Variants in IGSF9 observed in about 807,000 individuals in gnomAD.
The protein encoded by IGSF9 is immunoglobulin superfamily member 9.
In IGSF9, 87 loss-of-function variants were observed where a neutral mutation model predicts 121.7. The ratio of observed to expected loss-of-function variants is 0.71; its 90% CI spans 0.60 to 0.85. IGSF9 has a LOEUF of 0.85. IGSF9 is among the 40% of genes least tolerant of loss of function. IGSF9 has a pLI of 0.00. For missense variants in IGSF9, 1,462 were observed against 1,565.3 expected (o/e 0.93, Z 1.11); for synonymous variants, 640 against 648.4 (o/e 0.99, Z 0.20).
rs889265929 is a variant in IGSF9, at chr1:159,928,444, G to A, written c.2944C>T (p.Pro982Ser). ...GCCCCAGCCCCTACCACAGCCCCAG[G>A]AAGTGATTCCCTGGGGGATACAGGA... ...TPPVSPRESL[P>S]GAVVGAGATA... Residue 982 changes from proline to serine, a missense_variant, in exon 19 of 21, where the codon CCT becomes TCT. By Grantham distance (74) the Pro-to-Ser change is moderately conservative. Coordinates refer to ENST00000368094, the MANE Select transcript of IGSF9 (RefSeq NM_001135050.2). The A allele has an allele frequency of 3.3e-5, 53 of 1,600,074 alleles. No individual in the cohort carries two copies. The highest frequency in any genetic ancestry group is 1.7e-4 in the Middle Eastern group (1 of 6,054).
chr1:159,940,618 A>C (rs1377622909), intron 3 of IGSF9, among the ~76,000 whole-genome samples: 1 of 152,270 alleles, frequency 6.6e-6, no homozygotes, highest in Non-Finnish European at 1.5e-5. Flanking sequence ...AGTTCAAAAA[A>C]TGGTGCTAAC....
chr1:159,932,808 G>A lies in IGSF9; in HGVS notation c.1105-156C>T. 2.9e-6 allele frequency: 2 copies of A among 687,190 alleles called. No homozygotes were observed. The highest frequency in any genetic ancestry group is 1.8e-5 in the African/African-American group (1 of 54,608). The allele number at this position is 687,190 out of a possible 1,614,324, so 42.6% of individuals were successfully genotyped here. On this transcript the variant is annotated intron_variant, in intron 9 of 20. Transcript: ENST00000368094. The surrounding 1 kb of genome is among the most constrained non-coding windows in gnomAD (Gnocchi z 4.1). ...GCCTGACCCCTCTCTGATTTCCAGT[G>A]CTTCCTTTCCTTCCTGCAGAGGGAC...
intron 3 of IGSF9, among the ~76,000 whole-genome samples, chr1:159,938,886 T>C (rs1370963720): frequency 1.3e-5 from 2 of 152,198 alleles, no homozygotes; most frequent in Non-Finnish European, 2.9e-5. Context: ...AAATGAGCTC[T>C]AGATTTGAAA....
In IGSF9 at chr1:159,931,785, C is replaced by T. The variant is rs544261614; in HGVS notation, c.1362+27G>A. The T allele has an allele frequency of 6.0e-6, 9 of 1,504,926 alleles. No individual in the cohort carries two copies. Among genetic ancestry groups the T allele is most frequent in the Admixed American group, 5.9e-5 (3 of 50,678 alleles). The allele number at this position is 1,504,926 out of a possible 1,614,324, so 93.2% of individuals were successfully genotyped here. A position where few individuals can be genotyped will look rare whatever the true frequency, so the allele number is the denominator to read the frequency against. ...GGCAGGGGTGTAGTGGGCGTGGGTACAGGCAGAGCGGGCTCAGGAGCCTTA... is the reference window on the plus strand; with the variant it reads ...GGCAGGGGTGTAGTGGGCGTGGGTATAGGCAGAGCGGGCTCAGGAGCCTTA... On this transcript the variant is annotated intron_variant, in intron 11 of 20. Coordinates refer to ENST00000368094, the MANE Select transcript of IGSF9 (RefSeq NM_001135050.2). This position sits in a 1 kb window ranked among gnomAD's most constrained non-coding sequence, Gnocchi z 4.8.
intron 2 of IGSF9, 117 bp downstream of exon 2, chr1:159,943,280 C>T: frequency 1.5e-6 from 2 of 1,339,842 alleles, no homozygotes; most frequent in Non-Finnish European, 2.0e-6. Flanking sequence ...TCAGCTTCTC[C>T]AGAACCAGCC....
Position 159,929,769 on chromosome 1 carries a change from G to C in IGSF9, c.2195C>G (p.Pro732Arg). ...PSRTQLPGLL[P>R]QPVLAGVVGG... ...CACCACGCCGGCCAGCACGGGCTGA[G>C]GCAGGAGGCCCGGCAGCTGCGTGCG... Residue 732 changes from proline (P) to arginine (R), a missense_variant, in exon 17 of 21, where the codon CCT becomes CGT. By Grantham distance (103) the Pro-to-Arg change is moderately radical. Transcript: ENST00000368094. 2 of 1,606,802 alleles carry C rather than the reference G, an allele frequency of 1.2e-6. No individual in the cohort carries two copies. Among genetic ancestry groups the C allele is most frequent in the Middle Eastern group, 3.3e-4 (2 of 6,054 alleles).
intron 5 of IGSF9, 69 bp from the exon 6 acceptor site, chr1:159,936,585 G>A (rs1428690554): frequency 2.6e-6 from 4 of 1,550,148 alleles, no homozygotes; most frequent in South Asian, 1.2e-5. Flanking sequence ...TCCGAGTTTG[G>A]CCAGCAGAGG....
Position 159,932,062 on chromosome 1 carries a change from C to G in IGSF9, c.1246-134G>C. ...TCCCCCTAGCTAAACACTCACCAAG[C>G]CTGTCTCTACCTCATTCTCTCTCCA... On this transcript the variant is annotated intron_variant, in intron 10 of 20. Coordinates refer to ENST00000368094, the MANE Select transcript of IGSF9 (RefSeq NM_001135050.2). The surrounding 1 kb of genome is among the most constrained non-coding windows in gnomAD (Gnocchi z 4.1). The G allele has an allele frequency of 1.6e-6, 1 of 622,560 alleles. No individual in the cohort carries two copies. Among genetic ancestry groups the G allele is most frequent in the African/African-American group, 1.8e-5 (1 of 54,460 alleles). The allele number at this position is 622,560 out of a possible 1,614,324, so 38.6% of individuals were successfully genotyped here. A position where few individuals can be genotyped will look rare whatever the true frequency, so the allele number is the denominator to read the frequency against.
At chr1:159,934,973 C>T in intron 6 of IGSF9, 151 bp from the exon 7 acceptor site, 1 of 809,856 alleles carries the variant, frequency 1.2e-6, no homozygotes, top group Non-Finnish European at 1.9e-6. Context: ...AAGCTTCCCC[C>T]TGTATGTAAC....
Position 159,943,501 on chromosome 1 carries a change from A to T in IGSF9, c.-47T>A. The stretch of plus-strand genomic sequence containing the variant: ...CAGCCCCTCCTATCCACAGGAGCCC[A>T]GATGGAGGGGCCAAGGGATGTCCTT... On this transcript the variant is annotated 5_prime_UTR_variant, in exon 2 of 21. Transcript: ENST00000368094. The T allele has an allele frequency of 6.7e-7, 1 of 1,491,444 alleles. No homozygotes were observed. The highest frequency in any genetic ancestry group is 9.0e-7 in the Non-Finnish European group (1 of 1,116,970). The allele number at this position is 1,491,444 out of a possible 1,614,324, so 92.4% of individuals were successfully genotyped here. A position where few individuals can be genotyped will look rare whatever the true frequency, so the allele number is the denominator to read the frequency against.
In IGSF9 at chr1:159,931,423, C is replaced by T. The variant is rs1391845413; in HGVS notation, c.1513+30G>A. On this transcript the variant is annotated intron_variant, in intron 12 of 20. Coordinates refer to ENST00000368094, the MANE Select transcript of IGSF9 (RefSeq NM_001135050.2). This position sits in a 1 kb window ranked among gnomAD's most constrained non-coding sequence, Gnocchi z 4.8. ...AAAACGATTCCCAAGTAGTTTCTCC[C>T]AGCCCCTGGCCCTCTCTCCAGCCAC... 1.2e-6 allele frequency: 2 copies of T among 1,605,906 alleles called. No homozygotes were observed. Among genetic ancestry groups the T allele is most frequent in the Non-Finnish European group, 1.7e-6 (2 of 1,173,900 alleles).
chr1:159,934,404 A>G, intron 8 of IGSF9, 21 bp downstream of exon 8: 1 of 1,571,106 alleles, frequency 6.4e-7, no homozygotes, highest in South Asian at 1.2e-5. Context: ...AGGCTGAGGG[A>G]GAAGCTGGGG....
chr1:159,940,828 T>C (rs1651349842), intron 3 of IGSF9, among the ~76,000 whole-genome samples: 1 of 152,214 alleles, frequency 6.6e-6, no homozygotes. Context: ...TTCTGCTGTG[T>C]GGGGCATCTT....
rs186811529 is a variant in IGSF9, at chr1:159,932,194, G to A, written c.1246-266C>T. On this transcript the variant is annotated intron_variant, in intron 10 of 20. Coordinates refer to ENST00000368094, the MANE Select transcript of IGSF9 (RefSeq NM_001135050.2). This position sits in a 1 kb window ranked among gnomAD's most constrained non-coding sequence, Gnocchi z 4.1. ...AGGCTTAGGCAGGACTCTCAGAGATGTACAAACCTCTGCAGAACATTCTTC... is the reference window on the plus strand; with the variant it reads ...AGGCTTAGGCAGGACTCTCAGAGATATACAAACCTCTGCAGAACATTCTTC... 81 of 573,304 alleles carry A rather than the reference G, an allele frequency of 1.4e-4. No individual in the cohort carries two copies. The highest frequency in any genetic ancestry group is 1.4e-3 in the African/African-American group (74 of 53,298). The allele number at this position is 573,304 out of a possible 1,614,324, so 35.5% of individuals were successfully genotyped here. A position where few individuals can be genotyped will look rare whatever the true frequency, so the allele number is the denominator to read the frequency against.
Position 159,942,743 on chromosome 1 carries a change from AGTGTGTGTGTGTGT to A in IGSF9, c.247+206_247+219del, listed in dbSNP as rs59358917. On this transcript the variant is annotated intron_variant, in intron 3 of 20. Coordinates refer to ENST00000368094, the MANE Select transcript of IGSF9 (RefSeq NM_001135050.2). ...TAAATAGCACAGCTATAAGAGTGTG[AGTGTGTGTGTGTGT>A]GTGTGTGTGTGTAAATGAATGAATC... 2.7e-5 allele frequency among the ~76,000 whole-genome samples: 4 copies of A among 150,406 alleles called. No homozygotes were observed. The South Asian group carries it at 6.3e-4, about 24-fold the overall frequency.
chr1:159,928,377 A>G lies in IGSF9; in HGVS notation c.3011T>C (p.Leu1004Pro). ...AAGGCCTGGCAGCAGCCGCTCCCTCAGTGTCCAGTCAGCCAGGGCTGTGTA... is the reference window on the plus strand; with the variant it reads ...AAGGCCTGGCAGCAGCCGCTCCCTCGGTGTCCAGTCAGCCAGGGCTGTGTA... ...PPYTALADWT[L>P]RERLLPGLLP... Residue 1004 changes from leucine to proline, a missense_variant, in exon 19 of 21, where the codon CTG (leucine) becomes CCG (proline). Around this residue, in one of 3 missense-constraint regions of IGSF9, gnomAD observed 808 missense variants for 815.2 expected, o/e 0.99. Coordinates refer to ENST00000368094, the MANE Select transcript of IGSF9 (RefSeq NM_001135050.2). 6.2e-7 allele frequency: 1 copy of G among 1,609,520 alleles called. No homozygotes were observed. The highest frequency in any genetic ancestry group is 8.5e-7 in the Non-Finnish European group (1 of 1,178,064).
intron 3 of IGSF9, 84 bp from the exon 4 acceptor site, chr1:159,937,922 G>A (rs762073153): frequency 1.6e-5 from 22 of 1,399,114 alleles, no homozygotes; most frequent in Non-Finnish European, 2.1e-5. Flanking sequence ...ATTCTTAGAG[G>A]TAAGAACAGG....
In IGSF9 at chr1:159,936,498, G is replaced by A. The variant is rs555356100; in HGVS notation, c.574C>T (p.Arg192Trp). The A allele has an allele frequency of 1.3e-5, 21 of 1,613,948 alleles. No homozygotes were observed. The highest frequency in any genetic ancestry group is 4.4e-5 in the South Asian group (4 of 91,072). ...CTGCCTCGCTCTACCCGGCGGATCC[G>A]CAGCGTCCCGTTCTGCACCTAGGGA... The part of the protein sequence containing the change: ...GQVQVQNGTL[R>W]IRRVERGSSG... The change falls in exon 6 of 21, where the codon CGG becomes TGG. Residue 192 changes from arginine (R) to tryptophan (W), a missense_variant. Physicochemically the swap from Arg to Trp is moderately radical, Grantham distance 101. This residue lies in a region of IGSF9 where 558 missense variants were observed against 599.4 expected (regional missense o/e 0.93). Coordinates refer to ENST00000368094, the MANE Select transcript of IGSF9 (RefSeq NM_001135050.2).
intron 1 of IGSF9, among the ~76,000 whole-genome samples, 156 bp from the exon 2 acceptor site, chr1:159,943,784 T>G: frequency 2.0e-5 from 3 of 149,880 alleles, no homozygotes; most frequent in African/African-American, 2.5e-5. Flanking sequence ...CCCTGGGGAG[T>G]AAGAGCAGGG....
Sources: gnomAD v4.1 joint callset for allele counts (sites outside exome capture counted in the v4.1 genomes callset) on GRCh38, gnomAD v4.1.1 for gene constraint, gnomAD v4.1.1 regional missense constraint, Gnocchi (gnomAD v3.1) non-coding constraint, MANE v1.5 for transcripts, NCBI Gene and HGNC (gene_info 2026-07-23, HGNC 2026-07-21) for gene names.